The following PFKFB3 variants were observed in gnomAD, a reference collection of about 807,000 sequenced individuals.
PFKFB3 encodes 6-phosphofructo-2-kinase/fructose-2,6-biphosphatase 3, also known as 6-phosphofructo-2-kinase/fructose-2,6-bisphosphatase 3.
PFKFB3 carries 33 observed loss-of-function variants against 68.0 expected under a neutral mutation model. The observed-to-expected ratio is 0.49, with a 90% CI of 0.37 to 0.65. PFKFB3 has a LOEUF of 0.65. PFKFB3 is among the 30% of genes least tolerant of loss of function. The pLI is 0.00. For synonymous variants in PFKFB3, 315 were observed against 288.2 expected, an observed-to-expected ratio of 1.09 and a Z score of -0.94; for missense variants, 586 against 712.2, an observed-to-expected ratio of 0.82 and a Z score of 2.02.
chr10:6,320,448 G>GCTT, the PFKFB3 span, among the ~76,000 whole-genome samples: 1 of 151,340 alleles, frequency 6.6e-6, no homozygotes. Flanking sequence ...TGAAGAAACA[G>GCTT]CTTCTTCTTC....
chr10:6,262,468 A>AGAAAG, the PFKFB3 span, among the ~76,000 whole-genome samples: 3 of 146,888 alleles, frequency 2.0e-5, no homozygotes, highest in African/African-American at 7.5e-5. Context: ...AAAAAAAAAA[A>AGAAAG]AAAAAAAAAA....
At chr10:6,214,096 C>T (rs55794733) in intron 2 of PFKFB3, among the ~76,000 whole-genome samples, 108 of 152,328 alleles carry the variant, frequency 7.1e-4, no homozygotes, top group Admixed American at 1.3e-3. Context: ...CACTGCCTAC[C>T]GTAGATCAAG....
Position 6,202,962 on chromosome 10 carries a change from G to T in PFKFB3, c.-299G>T, listed in dbSNP as rs543607586. Reference sequence around the variant, plus strand: ...AGCCGGAGAGGAGGCGAGCAGCAGGGCCTGGTGGCGAGAGCGCGGCTGTCA... The same window carrying T: ...AGCCGGAGAGGAGGCGAGCAGCAGGTCCTGGTGGCGAGAGCGCGGCTGTCA... On this transcript the variant is annotated 5_prime_UTR_variant, in exon 1 of 15. Transcript: ENST00000379775. 5 of 1,281,320 alleles carry T rather than the reference G, an allele frequency of 3.9e-6. No homozygotes were observed. The highest frequency in any genetic ancestry group is 4.2e-5 in the Admixed American group (1 of 23,760). 79.4% of individuals were successfully genotyped at this position (1,281,320 alleles called of 1,614,324 possible).
intron 1 of PFKFB3, among the ~76,000 whole-genome samples, chr10:6,153,576 G>C (rs1841666341): frequency 1.3e-5 from 2 of 152,084 alleles, no homozygotes; most frequent in African/African-American, 4.8e-5. Context: ...GGGAGGGGCT[G>C]GGCGAGGTGG....
the PFKFB3 span, among the ~76,000 whole-genome samples, chr10:6,294,917 C>T: frequency 6.6e-6 from 1 of 151,754 alleles, no homozygotes; most frequent in South Asian, 2.1e-4. Context: ...CACATCTCTG[C>T]CATACCTAGG....
upstream of PFKFB3, chr10:6,202,686 G>A: frequency 6.2e-6 from 1 of 161,352 alleles, no homozygotes; most frequent in Non-Finnish European, 1.3e-5. Flanking sequence ...GGGACGAGGG[G>A]ATAACAGCAG....
At position 6,210,970 on chromosome 10, in the gene PFKFB3, A is replaced by G. The variant is rs960959040; in HGVS notation, c.77-2653A>G. 1.9e-4 allele frequency among the ~76,000 whole-genome samples: 29 copies of G among 150,334 alleles called. 11 individuals are homozygous for G. The highest frequency in any genetic ancestry group is 4.9e-4 in the African/African-American group (20 of 41,100). ...TGATCCACCCGCCTCGGCCTCCCAG[A>G]GGGCTGGGATTACAGGCGTGAGCCA... On this transcript the variant is annotated intron_variant, in intron 1 of 14. Coordinates refer to ENST00000379775, the MANE Select transcript of PFKFB3 (RefSeq NM_004566.4).
At chr10:6,166,265 G>A (rs653265) in intron 1 of PFKFB3, among the ~76,000 whole-genome samples, 29,161 of 151,836 alleles carry the variant, frequency 0.19, 3,263 homozygotes, top group Non-Finnish European at 0.26. Context: ...TAAGGTGTGA[G>A]CTACCGTGGT....
At chr10:6,319,572 T>G in the PFKFB3 span, among the ~76,000 whole-genome samples, 6,398 of 152,162 alleles carry the variant, frequency 0.042, 451 homozygotes, top group African/African-American at 0.14. Flanking sequence ...TGGGTGATGG[T>G]TACCCTAACA....
intron 1 of PFKFB3, among the ~76,000 whole-genome samples, chr10:6,203,904 C>G (rs1588466728): frequency 6.7e-6 from 1 of 150,306 alleles, no homozygotes; most frequent in African/African-American, 2.5e-5. Flanking sequence ...GCTTTTATCT[C>G]TTTCTCTCTC....
At chr10:6,206,645 A>G (rs1843738210) in intron 1 of PFKFB3, among the ~76,000 whole-genome samples, 1 of 150,818 alleles carries the variant, frequency 6.6e-6, no homozygotes, top group South Asian at 2.1e-4. Flanking sequence ...CACATCCCAG[A>G]TGGGGCGGCG....
the PFKFB3 span, among the ~76,000 whole-genome samples, chr10:6,269,814 T>C: frequency 6.6e-6 from 1 of 152,158 alleles, no homozygotes; most frequent in Non-Finnish European, 1.5e-5. Flanking sequence ...TGTGACTCTA[T>C]CTGACACAGT....
intron 1 of PFKFB3, among the ~76,000 whole-genome samples, chr10:6,153,643 C>T (rs1264420132): frequency 1.3e-5 from 2 of 152,138 alleles, no homozygotes; most frequent in African/African-American, 4.8e-5. Context: ...CAGTTGGGGT[C>T]AGGAGTTCGA....
intron 1 of PFKFB3, among the ~76,000 whole-genome samples, chr10:6,156,316 G>A (rs1449830152): frequency 6.6e-6 from 1 of 151,646 alleles, no homozygotes; most frequent in Non-Finnish European, 1.5e-5. Context: ...ACCACAGTCT[G>A]CTTTTTTTTT....
chr10:6,165,847 C>A (rs548961858), intron 1 of PFKFB3, among the ~76,000 whole-genome samples: 1 of 151,780 alleles, frequency 6.6e-6, no homozygotes, highest in South Asian at 2.1e-4. Flanking sequence ...CAGAACCTCA[C>A]TCTGTCGCCC....
intron 1 of PFKFB3, among the ~76,000 whole-genome samples, chr10:6,191,008 G>A (rs142055203): frequency 0.012 from 1,780 of 152,132 alleles, 14 homozygotes; most frequent in Non-Finnish European, 0.02. Context: ...TGAACTCCTG[G>A]GCTTAAGCGA....
At chr10:6,326,551 G>T in the PFKFB3 span, 1 of 455,998 alleles carries the variant, frequency 2.2e-6, no homozygotes. Flanking sequence ...TCTAGATATG[G>T]AGTTACCAGT....
upstream of PFKFB3, among the ~76,000 whole-genome samples, chr10:6,200,669 GGGGGGGCGGGGGGTGGTGGT>G (rs1564613459): frequency 8.2e-5 from 11 of 134,930 alleles, no homozygotes; most frequent in South Asian, 5.1e-4. Flanking sequence ...CGGGGGGGGG[GGGGGGGCGGGGGGTGGTGGT>G]GGGGCGGGGA....
intron 1 of PFKFB3, among the ~76,000 whole-genome samples, chr10:6,165,304 CAT>C (rs371564980): frequency 7.6e-4 from 116 of 152,358 alleles, no homozygotes; most frequent in African/African-American, 2.8e-3. Flanking sequence ...CAATACAGCA[CAT>C]GTTTCTGTGA....
Sources: gnomAD v4.1 joint callset for allele counts (sites outside exome capture counted in the v4.1 genomes callset) on GRCh38, gnomAD v4.1.1 for gene constraint, MANE v1.5 for transcripts, NCBI Gene and HGNC (gene_info 2026-07-23, HGNC 2026-07-21) for gene names.